EML6: variants seen among roughly 807,000 people sequenced by gnomAD.
EML6 encodes echinoderm microtubule-associated protein-like 6.
EML6 carries 154 observed loss-of-function variants against 240.1 expected under a neutral mutation model. That is an observed-to-expected ratio of 0.64 (90% confidence interval 0.56 to 0.73). EML6 has a LOEUF of 0.73. Among genes scored for constraint, EML6 ranks in the 30% least tolerant of loss-of-function variants. The pLI is 0.00. For missense variants in EML6, 2,964 were observed against 2,474.6 expected, an observed-to-expected ratio of 1.20 and a Z score of -4.20; for synonymous variants, 1,148 against 899.0, an observed-to-expected ratio of 1.28 and a Z score of -4.95.
rs141356020 is a variant in EML6, at chr2:54,733,482, G to C, written c.197+8224G>C. Among the ~76,000 whole-genome samples, 3 of 152,280 alleles carry C rather than the reference G, an allele frequency of 2.0e-5. No individual in the cohort carries two copies. The East Asian group carries it at 5.8e-4, about 29-fold the overall frequency. On this transcript the variant is annotated intron_variant, in intron 2 of 41. Coordinates refer to ENST00000356458, the MANE Select transcript of EML6 (RefSeq NM_001039753.4). The stretch of plus-strand genomic sequence containing the variant: ...TTGGAACTCAATTACAGGGAGTGTG[G>C]CTGGTCTCTTAGGCACTGCACAGTA...
chr2:54,904,991 A>G (rs565615102), intron 24 of EML6, among the ~76,000 whole-genome samples: 1 of 152,308 alleles, frequency 6.6e-6, no homozygotes, highest in South Asian at 2.1e-4. Flanking sequence ...TATACGGTGC[A>G]GTAGATAGAG....
chr2:54,793,385 CT>C (rs10683746), intron 2 of EML6, among the ~76,000 whole-genome samples: 1,325 of 121,746 alleles, frequency 0.011, 10 homozygotes, highest in African/African-American at 0.022. Context: ...TATGAGTAGG[CT>C]TTTTTTTTTT....
intron 24 of EML6, among the ~76,000 whole-genome samples, chr2:54,909,422 C>T (rs1462929352): frequency 6.6e-6 from 1 of 152,132 alleles, no homozygotes; most frequent in African/African-American, 2.4e-5. Flanking sequence ...TATATTTGCT[C>T]AAGTCAAGGA....
Position 54,892,556 on chromosome 2 carries a change from G to C in EML6, c.2642G>C (p.Gly881Ala). Residue 881 changes from glycine to alanine, a missense_variant, in exon 19 of 42, where the codon GGA becomes GCA. Physicochemically the swap from Gly to Ala is moderately conservative, Grantham distance 60 (BLOSUM62 0). Transcript: ENST00000356458. ...CGAATGGAAGATCTAGTGTTCTCAG[G>C]AGCAGCTACTGGAGATATTTTTATT... ...YGRMEDLVFSGAATGDIFIWK... is the reference protein window; with the variant it reads ...YGRMEDLVFSAAATGDIFIWK... The C allele has an allele frequency of 6.4e-7, 1 of 1,551,426 alleles. No homozygotes were observed. The highest frequency in any genetic ancestry group is 8.7e-7 in the Non-Finnish European group (1 of 1,146,722).
chr2:54,777,121 A>C (rs1389681773), intron 2 of EML6, among the ~76,000 whole-genome samples: 1 of 152,228 alleles, frequency 6.6e-6, no homozygotes. Context: ...TGGAGTCCCC[A>C]AAGACTCTAA....
chr2:54,850,618 C>G (rs903396057), intron 10 of EML6, among the ~76,000 whole-genome samples: 1 of 151,732 alleles, frequency 6.6e-6, no homozygotes, highest in Non-Finnish European at 1.5e-5. Context: ...CTCACATGAC[C>G]AATAAAAGAC....
chr2:54,835,918 C>G (rs1325619650), intron 7 of EML6, among the ~76,000 whole-genome samples: 4 of 152,192 alleles, frequency 2.6e-5, no homozygotes, highest in African/African-American at 7.2e-5. Flanking sequence ...AAGACCAACT[C>G]TCAAACCTGA....
chr2:54,835,636 G>T (rs868327220), intron 7 of EML6, among the ~76,000 whole-genome samples: 11 of 152,288 alleles, frequency 7.2e-5, no homozygotes, highest in Middle Eastern at 6.8e-3. Context: ...GTTCCAGAGT[G>T]TTCATGCTTA....
Position 54,928,492 on chromosome 2 carries a change from C to T in EML6, c.3855C>T (p.Asp1285=). ...ESKLVDSEES[D]TDVEEDGGYD... is the part of the protein sequence containing the mutation. The stretch of plus-strand genomic sequence containing the variant: ...AGCTGGTGGACAGCGAGGAGTCAGA[C>T]ACCGACGTGGAAGAGGATGGAGGTG... The change falls in exon 27 of 42, where the codon GAC becomes GAT. Residue 1285 remains aspartate, a synonymous_variant. Transcript: ENST00000356458. The T allele has an allele frequency of 6.5e-7, 1 of 1,546,206 alleles. No individual in the cohort carries two copies. Among genetic ancestry groups the T allele is most frequent in the Non-Finnish European group, 8.7e-7 (1 of 1,143,508 alleles).
chr2:54,813,908 A>C (rs1182454671), intron 3 of EML6, among the ~76,000 whole-genome samples: 1 of 152,120 alleles, frequency 6.6e-6, no homozygotes, highest in Non-Finnish European at 1.5e-5. Context: ...CTGGGTATTC[A>C]TGTTTCTTTA....
In EML6 at chr2:54,781,315, T is replaced by G. The variant is rs546652187; in HGVS notation, c.198-31917T>G. Among the ~76,000 whole-genome samples the G allele has an allele frequency of 3.9e-5, 6 of 152,324 alleles. No individual in the cohort carries two copies. In the East Asian group the frequency reaches 1.2e-3, roughly 29 times the overall value. ...TCCATTTACATTCTTGTCGAGACCC[T>G]TCTGTGGCCAATAAATCGCATGGAT... On this transcript the variant is annotated intron_variant, in intron 2 of 41. Transcript: ENST00000356458.
intron 2 of EML6, among the ~76,000 whole-genome samples, chr2:54,777,417 T>C (rs1668650712): frequency 6.6e-6 from 1 of 152,172 alleles, no homozygotes. Context: ...GCTTTTTGCT[T>C]TGGGTTCCAT....
rs914537947 is a variant in EML6, at chr2:54,889,372, A to C, written c.2439-1682A>C. Reference sequence around the variant, plus strand: ...GGTCTTTTTATTGGAACTAAGTTGAATTTATAAACTAAGGGATAACTGCTA... The same window carrying C: ...GGTCTTTTTATTGGAACTAAGTTGACTTTATAAACTAAGGGATAACTGCTA... On this transcript the variant is annotated intron_variant, in intron 17 of 41. Coordinates refer to ENST00000356458, the MANE Select transcript of EML6 (RefSeq NM_001039753.4). Among the ~76,000 whole-genome samples, 9 of 151,774 alleles carry C rather than the reference A, an allele frequency of 5.9e-5. No individual in the cohort carries two copies. In the East Asian group the frequency reaches 9.6e-4, roughly 16 times the overall value.
chr2:54,843,580 C>T (rs968275753), intron 7 of EML6, among the ~76,000 whole-genome samples: 6 of 152,058 alleles, frequency 3.9e-5, no homozygotes, highest in Non-Finnish European at 5.9e-5. Flanking sequence ...CGTGGTGGCT[C>T]ATGCCTGTAA....
intron 16 of EML6, among the ~76,000 whole-genome samples, chr2:54,875,377 C>T (rs1381993983): frequency 2.6e-5 from 4 of 152,214 alleles, no homozygotes; most frequent in East Asian, 1.9e-4. Flanking sequence ...AGGGCACTGA[C>T]GTGACACTCA....
chr2:54,746,321 GTC>G (rs1467115225), intron 2 of EML6, among the ~76,000 whole-genome samples: 2 of 152,170 alleles, frequency 1.3e-5, no homozygotes, highest in Non-Finnish European at 2.9e-5. Context: ...CATCGACTGT[GTC>G]TCTTTTTCTC....
In EML6 at chr2:54,880,291, G is replaced by A. The variant is rs550627949; in HGVS notation, c.2438+651G>A. ...ACCCTGATCAGGGGTCAAAATAGTTGGCAGCCAAGGCCCAGCAATACAATT... is the reference window on the plus strand; with the variant it reads ...ACCCTGATCAGGGGTCAAAATAGTTAGCAGCCAAGGCCCAGCAATACAATT... On this transcript the variant is annotated intron_variant, in intron 17 of 41. Coordinates refer to ENST00000356458, the MANE Select transcript of EML6 (RefSeq NM_001039753.4). The A allele has an allele frequency of 2.0e-5, 3 of 152,278 alleles. No homozygotes were observed. In the East Asian group the frequency reaches 5.8e-4, roughly 29 times the overall value. The allele number at this position is 152,278 out of a possible 1,614,324, so 9.4% of individuals were successfully genotyped here. A position where few individuals can be genotyped will look rare whatever the true frequency, so the allele number is the denominator to read the frequency against.
chr2:54,928,260 C>T (rs1045444538), intron 26 of EML6, 53 bp from the exon 27 acceptor site: 1 of 1,363,506 alleles, frequency 7.3e-7, no homozygotes, highest in Non-Finnish European at 1.0e-6. Context: ...ATAAACGAGC[C>T]CAGAGAAAGG....
intron 31 of EML6, among the ~76,000 whole-genome samples, chr2:54,953,048 C>T (rs1019077829): frequency 2.0e-5 from 3 of 152,100 alleles, no homozygotes; most frequent in African/African-American, 4.8e-5. Flanking sequence ...GCCTGGACCC[C>T]CTGTGCCCTG....
Sources: gnomAD v4.1 joint callset for allele counts (sites outside exome capture counted in the v4.1 genomes callset) on GRCh38, gnomAD v4.1.1 for gene constraint, MANE v1.5 for transcripts, NCBI Gene and HGNC (gene_info 2026-07-23, HGNC 2026-07-21) for gene names.